Variants in PAM observed in about 807,000 individuals in gnomAD.
PAM encodes the protein peptidylglycine alpha-amidating monooxygenase.
A neutral mutation model predicts 122.1 loss-of-function variants in PAM; 72 were observed. That is an observed-to-expected ratio of 0.59 (90% CI 0.49 to 0.72). The LOEUF (loss-of-function observed/expected upper bound fraction) is 0.72, where lower values mean the gene tolerates loss of function less well. PAM is among the 30% of genes least tolerant of loss of function. The pLI is 0.00. For synonymous variants in PAM, 389 were observed against 404.4 expected (o/e 0.96, Z 0.46); for missense variants, 1,106 against 1,183.7 (o/e 0.93, Z 0.96).
chr5:102,941,833 C>CAAAAAAAAAAAAAAA (rs70990420), intron 7 of PAM, among the ~76,000 whole-genome samples: 2 of 58,382 alleles, frequency 3.4e-5, no homozygotes, highest in African/African-American at 1.2e-4. Context: ...CCAGATGGTA[C>CAAAAAAAAAAAAAAA]AAAAAAAAAA....
At chr5:102,918,149 C>A (rs1328728546) in intron 5 of PAM, among the ~76,000 whole-genome samples, 1 of 152,106 alleles carries the variant, frequency 6.6e-6, no homozygotes, top group Non-Finnish European at 1.5e-5. Flanking sequence ...GGAAAAGAAG[C>A]AGCTCTGCTG....
chr5:102,814,393 C>A (rs1278447039), intron 1 of PAM, among the ~76,000 whole-genome samples: 2 of 151,968 alleles, frequency 1.3e-5, no homozygotes, highest in Admixed American at 1.3e-4. Flanking sequence ...ACAATCCAAG[C>A]AATTACTATT....
chr5:103,019,985 C>T, intron 23 of PAM, 142 bp downstream of exon 23: 1 of 661,714 alleles, frequency 1.5e-6, no homozygotes. Flanking sequence ...ATGTACTGAG[C>T]CTTTAAACCT....
At chr5:102,934,936 A>G (rs1752780016) in intron 7 of PAM, among the ~76,000 whole-genome samples, 1 of 152,136 alleles carries the variant, frequency 6.6e-6, no homozygotes, top group South Asian at 2.1e-4. Context: ...ATTTCTTCAT[A>G]TTTGAGTTTT....
At chr5:103,000,157 G>C (rs780533753) in intron 16 of PAM, among the ~76,000 whole-genome samples, 2 of 152,136 alleles carry the variant, frequency 1.3e-5, no homozygotes, top group Non-Finnish European at 2.9e-5. Context: ...GTTACACCTT[G>C]AATGCTTTGC....
intron 9 of PAM, 63 bp from the exon 10 acceptor site, chr5:102,949,474 G>C: frequency 1.2e-6 from 1 of 858,092 alleles, no homozygotes; most frequent in African/African-American, 1.7e-5. Flanking sequence ...CATAATTTTA[G>C]ATAAGAATAA....
intron 1 of PAM, among the ~76,000 whole-genome samples, chr5:102,758,612 T>C (rs962151340): frequency 6.6e-6 from 1 of 152,198 alleles, no homozygotes; most frequent in Admixed American, 6.5e-5. Context: ...GAAATTTCAG[T>C]CATCATGTAT....
chr5:103,007,696 T>C (rs1779448243), intron 20 of PAM, 39 bp downstream of exon 20: 1 of 1,283,350 alleles, frequency 7.8e-7, no homozygotes, highest in Admixed American at 1.7e-5. Flanking sequence ...TCTGTCCTAC[T>C]GTACTCTATC....
intron 1 of PAM, 81 bp from the exon 2 acceptor site, chr5:102,865,742 A>G: frequency 6.4e-6 from 1 of 155,898 alleles, no homozygotes; most frequent in Non-Finnish European, 1.4e-5. Context: ...CTACTAATGT[A>G]TTAAAGAACC....
At position 103,029,166 on chromosome 5, in the gene PAM, C is replaced by T; in HGVS notation, c.*101C>T. On this transcript the variant is annotated 3_prime_UTR_variant, in exon 26 of 26. Coordinates refer to ENST00000438793, the MANE Select transcript of PAM (RefSeq NM_001177306.2). ...TCTGTGTATTTAATTGTAAACTGTA[C>T]TAGTCTGTGTGGGACTGTACACACT... 1 of 972,964 alleles carries T rather than the reference C, an allele frequency of 1.0e-6. No individual in the cohort carries two copies. Among genetic ancestry groups the T allele is most frequent in the Non-Finnish European group, 1.5e-6 (1 of 659,040 alleles). 60.3% of individuals were successfully genotyped at this position (972,964 alleles called of 1,614,324 possible). A position where few individuals can be genotyped will look rare whatever the true frequency, so the allele number is the denominator to read the frequency against.
At chr5:102,763,206 T>C (rs1752903553) in intron 1 of PAM, among the ~76,000 whole-genome samples, 1 of 152,216 alleles carries the variant, frequency 6.6e-6, no homozygotes, top group Non-Finnish European at 1.5e-5. Flanking sequence ...TCCTCCACTC[T>C]CCTTCTGTTT....
At chr5:102,899,281 G>A (rs1170186172) in intron 3 of PAM, among the ~76,000 whole-genome samples, 1 of 151,556 alleles carries the variant, frequency 6.6e-6, no homozygotes, top group Non-Finnish European at 1.5e-5. Flanking sequence ...TGGATCTGAT[G>A]AATTATAAGT....
chr5:102,931,355 GCAAGAC>G (rs759286404), intron 7 of PAM, among the ~76,000 whole-genome samples: 12 of 152,150 alleles, frequency 7.9e-5, no homozygotes, highest in Non-Finnish European at 7.4e-5. Context: ...AAGATAAACT[GCAAGAC>G]CAACTTCCTG....
chr5:102,918,539 C>T lies in PAM; in HGVS notation c.356+4518C>T, dbSNP rs192222091. On this transcript the variant is annotated intron_variant, in intron 5 of 25. Transcript: ENST00000438793. ...TTTAAAGTAAGTAAATTTAAATTTA[C>T]TTAAATAGTAAATTTTGAGGATATC... Among the ~76,000 whole-genome samples the T allele has an allele frequency of 2.6e-5, 4 of 151,926 alleles. No homozygotes were observed. In the East Asian group the frequency reaches 7.8e-4, roughly 29 times the overall value.
chr5:102,858,325 C>T (rs1427223116), intron 1 of PAM, among the ~76,000 whole-genome samples: 2 of 152,072 alleles, frequency 1.3e-5, no homozygotes, highest in Non-Finnish European at 1.5e-5. Flanking sequence ...GTGATTTTAC[C>T]CTTCAGAAGA....
chr5:102,900,227 T>C (rs1383403980), intron 3 of PAM, among the ~76,000 whole-genome samples: 1 of 123,092 alleles, frequency 8.1e-6, no homozygotes, highest in Non-Finnish European at 1.6e-5. Context: ...GCTAATGTGT[T>C]TCTTCAGGTC....
intron 1 of PAM, among the ~76,000 whole-genome samples, chr5:102,806,253 G>A (rs1448205230): frequency 6.6e-6 from 1 of 152,126 alleles, no homozygotes; most frequent in African/African-American, 2.4e-5. Flanking sequence ...AAAATAGTCT[G>A]GCTAGCCTGT....
chr5:102,815,912 T>C (rs1371924978), intron 1 of PAM, among the ~76,000 whole-genome samples: 1 of 152,228 alleles, frequency 6.6e-6, no homozygotes, highest in Non-Finnish European at 1.5e-5. Context: ...GCAGCCTATA[T>C]ATTTTTGTAT....
At chr5:102,940,613 A>G (rs1754880787) in intron 7 of PAM, among the ~76,000 whole-genome samples, 1 of 151,918 alleles carries the variant, frequency 6.6e-6, no homozygotes. Context: ...GGAAATAAAA[A>G]AAGTAAATAT....
Sources: gnomAD v4.1 joint callset for allele counts (sites outside exome capture counted in the v4.1 genomes callset) on GRCh38, gnomAD v4.1.1 for gene constraint, MANE v1.5 for transcripts, NCBI Gene and HGNC (gene_info 2026-07-23, HGNC 2026-07-21) for gene names.